GRIN2B: variants seen among roughly 807,000 people sequenced by gnomAD.
GRIN2B encodes the protein glutamate ionotropic receptor NMDA type subunit 2B.
A neutral mutation model predicts 114.5 loss-of-function variants in GRIN2B; 5 were observed. That is an observed-to-expected ratio of 0.04 (90% CI 0.02 to 0.09). GRIN2B has a LOEUF of 0.09. GRIN2B is among the 10% of genes least tolerant of loss of function. GRIN2B has a pLI of 1.00. For missense variants in GRIN2B, 1,108 were observed against 1,943.5 expected, an observed-to-expected ratio of 0.57 and a Z score of 8.08; for synonymous variants, 787 against 745.1, an observed-to-expected ratio of 1.06 and a Z score of -0.92.
At chr12:13,921,340 A>G (rs773072201) in intron 2 of GRIN2B, among the ~76,000 whole-genome samples, 1 of 152,098 alleles carries the variant, frequency 6.6e-6, no homozygotes, top group Non-Finnish European at 1.5e-5. Context: ...AGAAGTTGCA[A>G]TGAACCTAGA....
intron 4 of GRIN2B, among the ~76,000 whole-genome samples, chr12:13,717,835 T>A (rs540777753): frequency 6.6e-6 from 1 of 152,080 alleles, no homozygotes; most frequent in Admixed American, 6.6e-5. Context: ...AATCACAGTA[T>A]CTTTTTCTGT....
At chr12:13,856,778 C>G (rs1263099477) in intron 3 of GRIN2B, among the ~76,000 whole-genome samples, 1 of 152,140 alleles carries the variant, frequency 6.6e-6, no homozygotes, top group African/African-American at 2.4e-5. Context: ...TTCCACTGTT[C>G]ACTCTGAGCC....
At chr12:13,919,537 G>A (rs141912452) in intron 2 of GRIN2B, among the ~76,000 whole-genome samples, 2 of 152,230 alleles carry the variant, frequency 1.3e-5, no homozygotes, top group Non-Finnish European at 2.9e-5. Context: ...AGACAATATG[G>A]CTTTTTGTTT....
intron 4 of GRIN2B, among the ~76,000 whole-genome samples, chr12:13,738,898 G>T (rs1383032233): frequency 6.6e-6 from 1 of 152,100 alleles, no homozygotes; most frequent in Non-Finnish European, 1.5e-5. Context: ...TCTGTATACA[G>T]TTTCTTAAAG....
intron 4 of GRIN2B, among the ~76,000 whole-genome samples, chr12:13,730,473 T>C (rs917304677): frequency 1.2e-4 from 18 of 152,096 alleles, no homozygotes; most frequent in African/African-American, 4.3e-4. Context: ...TACAAAGCCT[T>C]TAGTGTTGCC....
rs140131900 is a variant in GRIN2B, at chr12:13,601,800, C to T, written c.2010+6803G>A. Among the ~76,000 whole-genome samples the T allele has an allele frequency of 1.4e-4, 21 of 152,266 alleles. No homozygotes were observed. In the East Asian group the frequency reaches 4.1e-3, roughly 29 times the overall value. ...CCAGTCATCAACTCCGGGTCATCTG[C>T]CCCTCAGGACTTGGAGGGTGACCCA... On this transcript the variant is annotated intron_variant, in intron 10 of 13. Coordinates refer to ENST00000609686, the MANE Select transcript of GRIN2B (RefSeq NM_000834.5).
rs547721724 is a variant in GRIN2B, at chr12:13,682,160, A to C, written c.1011-6301T>G. ...AATTCATAATTATCAAAATAAATCCAAAATGATTAATCCAGTTTAGCGTGG... is the reference window on the plus strand; with the variant it reads ...AATTCATAATTATCAAAATAAATCCCAAATGATTAATCCAGTTTAGCGTGG... On this transcript the variant is annotated intron_variant, in intron 4 of 13. Transcript: ENST00000609686. Among the ~76,000 whole-genome samples the C allele has an allele frequency of 4.6e-5, 7 of 152,330 alleles. No individual in the cohort carries two copies. The East Asian group carries it at 1.3e-3, about 29-fold the overall frequency.
At chr12:13,662,002 C>T (rs541338321) in intron 5 of GRIN2B, among the ~76,000 whole-genome samples, 3 of 152,162 alleles carry the variant, frequency 2.0e-5, no homozygotes, top group Non-Finnish European at 4.4e-5. Context: ...CAACTGGAGA[C>T]AAGGAAGTGA....
At chr12:13,736,735 C>A (rs1028788071) in intron 4 of GRIN2B, among the ~76,000 whole-genome samples, 4 of 152,094 alleles carry the variant, frequency 2.6e-5, no homozygotes, top group Admixed American at 2.6e-4. Context: ...TTAGAACATG[C>A]AATATATGGC....
At chr12:13,827,077 T>G (rs1320305417) in intron 3 of GRIN2B, among the ~76,000 whole-genome samples, 1 of 151,654 alleles carries the variant, frequency 6.6e-6, no homozygotes, top group African/African-American at 2.4e-5. Context: ...TTTTCCTGAC[T>G]TGCATATTTT....
At chr12:13,876,290 G>T (rs752141926) in intron 2 of GRIN2B, among the ~76,000 whole-genome samples, 6 of 152,160 alleles carry the variant, frequency 3.9e-5, no homozygotes, top group Admixed American at 1.3e-4. Context: ...TCACCTTACA[G>T]AGTTGTTGTG....
intron 10 of GRIN2B, among the ~76,000 whole-genome samples, chr12:13,600,498 CAT>C (rs35728300): frequency 0.14 from 21,629 of 150,584 alleles, 1,913 homozygotes; most frequent in East Asian, 0.26. Context: ...TGTGTGTGTG[CAT>C]GTGTGTGTGT....
At chr12:13,836,754 C>T (rs1390684396) in intron 3 of GRIN2B, among the ~76,000 whole-genome samples, 1 of 152,062 alleles carries the variant, frequency 6.6e-6, no homozygotes, top group Non-Finnish European at 1.5e-5. Flanking sequence ...CTGACAGAGC[C>T]CTGTGAGCTG....
chr12:13,887,474 A>G (rs1017136922), intron 2 of GRIN2B, among the ~76,000 whole-genome samples: 1 of 152,240 alleles, frequency 6.6e-6, no homozygotes, highest in African/African-American at 2.4e-5. Context: ...ATACGTAGGC[A>G]TGGGATTACA....
At chr12:13,913,245 A>G (rs1014827153) in intron 2 of GRIN2B, among the ~76,000 whole-genome samples, 21 of 152,152 alleles carry the variant, frequency 1.4e-4, no homozygotes, top group African/African-American at 4.8e-4. Flanking sequence ...ACATTCAAGT[A>G]TGGTTTTAGA....
intron 10 of GRIN2B, among the ~76,000 whole-genome samples, chr12:13,606,076 T>C (rs528199342): frequency 6.6e-6 from 1 of 152,326 alleles, no homozygotes; most frequent in Admixed American, 6.5e-5. Context: ...CAGCCTCATG[T>C]GAAGACATGG....
At chr12:13,929,670 CT>C (rs1866986858) in intron 2 of GRIN2B, among the ~76,000 whole-genome samples, 1 of 152,150 alleles carries the variant, frequency 6.6e-6, no homozygotes, top group Non-Finnish European at 1.5e-5. Flanking sequence ...AATGAGCTGC[CT>C]AGGTCCAATT....
chr12:13,935,132 C>T (rs1170682085), intron 2 of GRIN2B, among the ~76,000 whole-genome samples: 4 of 152,254 alleles, frequency 2.6e-5, no homozygotes, highest in East Asian at 1.9e-4. Context: ...TATGTGGAAA[C>T]GTAAGATTAA....
At chr12:13,897,915 GTCCTTATTGTCTACCC>G (rs1866378823) in intron 2 of GRIN2B, among the ~76,000 whole-genome samples, 2 of 151,092 alleles carry the variant, frequency 1.3e-5, no homozygotes, top group South Asian at 2.1e-4. Flanking sequence ...TAATAACTTG[GTCCTTATTGTCTACCC>G]TCCCAATATG....
Sources: allele counts gnomAD v4.1 joint callset (sites outside exome capture counted in the v4.1 genomes callset), GRCh38; gene constraint gnomAD v4.1.1; transcripts MANE v1.5; gene names NCBI Gene and HGNC (gene_info 2026-07-23, HGNC 2026-07-21).